Variants in SLC5A1 observed in about 807,000 individuals in gnomAD.
The protein encoded by SLC5A1 is sodium/glucose cotransporter 1.
A neutral mutation model predicts 73.5 loss-of-function variants in SLC5A1; 42 were observed. That is an observed-to-expected ratio of 0.57 (90% CI 0.45 to 0.74). SLC5A1 has a LOEUF of 0.74. Ranked by LOEUF, SLC5A1 falls within the 30% of genes least tolerant of loss-of-function variation. SLC5A1 has a pLI of 0.00. For synonymous variants in SLC5A1, 300 were observed against 317.4 expected (o/e 0.95, Z 0.58); for missense variants, 634 against 855.4 (o/e 0.74, Z 3.23).
rs2093966635 is a variant in SLC5A1, at chr22:32,063,305, G to GACTCCCA, written c.208-3629_208-3628insCTCCCAA. Among the ~76,000 whole-genome samples the GACTCCCA allele has an allele frequency of 2.0e-5, 3 of 152,134 alleles. No homozygotes were observed. The South Asian group carries it at 6.2e-4, about 32-fold the overall frequency. On this transcript the variant is annotated intron_variant, in intron 2 of 14. Transcript: ENST00000266088. ...GAGGGTGAAGTAATTATCCTCTTGG[G>GACTCCCA]AGGAGAAAGGAGGGAAGGGACACTG...
intron 10 of SLC5A1, among the ~76,000 whole-genome samples, chr22:32,091,182 A>G (rs1013138800): frequency 6.6e-6 from 1 of 152,056 alleles, no homozygotes; most frequent in Non-Finnish European, 1.5e-5. Flanking sequence ...TGGATGGCTT[A>G]CTTTCTTGAG....
chr22:32,106,971 G>C (rs892291766), intron 14 of SLC5A1, among the ~76,000 whole-genome samples: 1 of 152,184 alleles, frequency 6.6e-6, no homozygotes, highest in South Asian at 2.1e-4. Flanking sequence ...AGATCATTTG[G>C]TCTTATCATC....
At chr22:32,104,718 C>A in intron 13 of SLC5A1, 68 bp from the exon 14 acceptor site, 1 of 1,198,914 alleles carries the variant, frequency 8.3e-7, no homozygotes. Context: ...TATCTCTTTG[C>A]CCCCCCAACT....
intron 5 of SLC5A1, among the ~76,000 whole-genome samples, chr22:32,075,070 CTT>C (rs1045791303): frequency 1.9e-5 from 2 of 107,682 alleles, no homozygotes; most frequent in African/African-American, 3.4e-5. Context: ...CTATTTTTTA[CTT>C]TTTTTTTTTT....
chr22:32,105,791 A>T (rs2094044697), intron 14 of SLC5A1, among the ~76,000 whole-genome samples: 1 of 151,964 alleles, frequency 6.6e-6, no homozygotes, highest in Admixed American at 6.6e-5. Context: ...CATGAGTTCA[A>T]TTGTTTTGAT....
chr22:32,102,068 G>A lies in SLC5A1; in HGVS notation c.1496G>A (p.Arg499His), dbSNP rs927157864. The A allele has an allele frequency of 6.2e-6, 10 of 1,614,034 alleles. No homozygotes were observed. In the East Asian group the frequency reaches 8.9e-5, roughly 14 times the overall value. The change falls in exon 13 of 15, where the codon CGT (arginine) becomes CAT (histidine). Residue 499 changes from arginine (R) to histidine (H), a missense_variant. Arg to His is a conservative substitution (Grantham distance 29, BLOSUM62 0). Coordinates refer to ENST00000266088, the MANE Select transcript of SLC5A1 (RefSeq NM_000343.4). ...CTAGGACTTCTGATTGGGATTTCAC[G>A]TATGATTACTGAGTTTGCTTATGGA... is the stretch of plus-strand genomic sequence containing the variant. ...LILGLLIGIS[R>H]MITEFAYGTG...
chr22:32,095,455 GTAT>G (rs985959083), intron 11 of SLC5A1, among the ~76,000 whole-genome samples: 35 of 152,286 alleles, frequency 2.3e-4, no homozygotes, highest in African/African-American at 7.9e-4. Flanking sequence ...AAGTCCTCCA[GTAT>G]TATTGTGTTG....
chr22:32,066,991 C>T lies in SLC5A1; in HGVS notation c.264C>T (p.Ala88=), dbSNP rs1387609815. 1.1e-5 allele frequency: 17 copies of T among 1,613,796 alleles called. No individual in the cohort carries two copies. Among genetic ancestry groups the T allele is most frequent in the East Asian group, 2.2e-5 (1 of 44,862 alleles). The stretch of plus-strand genomic sequence containing the variant: ...GAAGTGGCCACTTTGTGGGGCTGGC[C>T]GGGACTGGGGCAGCTTCAGGCATCG... ...NIGSGHFVGL[A]GTGAASGIAI... Residue 88 remains alanine (A), a synonymous_variant, in exon 3 of 15, where the codon GCC becomes GCT. Transcript: ENST00000266088.
intron 5 of SLC5A1, among the ~76,000 whole-genome samples, chr22:32,077,669 A>G (rs1441870537): frequency 6.6e-6 from 1 of 152,206 alleles, no homozygotes; most frequent in African/African-American, 2.4e-5. Context: ...ATAGATCTTA[A>G]CAATATATTA....
chr22:32,086,178 C>A, intron 9 of SLC5A1, 42 bp from the exon 10 acceptor site: 2 of 1,222,008 alleles, frequency 1.6e-6, no homozygotes, highest in Admixed American at 1.7e-5. Flanking sequence ...GAAATATTTC[C>A]CCAATGTCTG....
rs376496071 is a variant in SLC5A1, at chr22:32,049,947, T to C, written c.140T>C (p.Met47Thr). The C allele has an allele frequency of 6.2e-7, 1 of 1,613,994 alleles. No homozygotes were observed. The highest frequency in any genetic ancestry group is 8.5e-7 in the Non-Finnish European group (1 of 1,179,820). ...TTTTGACCCTTTCCTCCTCAGGCTA[T>C]GTTTTCCACCAATCGTGGGACTGTT... Reference protein sequence around the residue: ...VVVMAVGLWAMFSTNRGTVGG... With the variant: ...VVVMAVGLWATFSTNRGTVGG... The change falls in exon 2 of 15, where the codon ATG becomes ACG. Residue 47 changes from methionine to threonine, a missense_variant. Transcript: ENST00000266088.
intron 2 of SLC5A1, among the ~76,000 whole-genome samples, chr22:32,058,951 T>A (rs117333835): frequency 0.014 from 2,118 of 152,288 alleles, 27 homozygotes; most frequent in Non-Finnish European, 0.021. Context: ...TGGGAATAAA[T>A]GCAGCTCTCA....
intron 10 of SLC5A1, among the ~76,000 whole-genome samples, chr22:32,090,705 G>A (rs1358795949): frequency 8.2e-6 from 1 of 121,886 alleles, no homozygotes; most frequent in Non-Finnish European, 1.8e-5. Context: ...CCTAGGAATG[G>A]AATTTCATTT....
chr22:32,050,197 A>G (rs2093943446), intron 2 of SLC5A1, among the ~76,000 whole-genome samples, 183 bp downstream of exon 2: 1 of 152,204 alleles, frequency 6.6e-6, no homozygotes, highest in Admixed American at 6.5e-5. Flanking sequence ...TAGTAAGGGA[A>G]TAGCCTTTAA....
intron 5 of SLC5A1, among the ~76,000 whole-genome samples, chr22:32,072,453 A>T (rs1208517908): frequency 1.3e-5 from 2 of 152,174 alleles, no homozygotes; most frequent in East Asian, 3.8e-4. Flanking sequence ...TTCTTTATTC[A>T]GTCCACCACT....
chr22:32,094,816 A>G (rs1450356794), intron 11 of SLC5A1, among the ~76,000 whole-genome samples: 4 of 146,186 alleles, frequency 2.7e-5, no homozygotes, highest in Non-Finnish European at 6.1e-5. Flanking sequence ...TATCTTTTGT[A>G]TTTTTTTTTT....
chr22:32,079,085 C>T lies in SLC5A1; in HGVS notation c.478-2781C>T, dbSNP rs775888410. ...AAAATAACGCATGTGCCTAAATGTC[C>T]TTGGTAAACTGTAAAACTCTCTGAA... On this transcript the variant is annotated intron_variant, in intron 5 of 14. Coordinates refer to ENST00000266088, the MANE Select transcript of SLC5A1 (RefSeq NM_000343.4). Among the ~76,000 whole-genome samples, 11 of 151,558 alleles carry T rather than the reference C, an allele frequency of 7.3e-5. No homozygotes were observed. The Middle Eastern group carries it at 0.01, about 143-fold the overall frequency.
Position 32,104,845 on chromosome 22 carries a change from G to A in SLC5A1, c.1725G>A (p.Ala575=), listed in dbSNP as rs368853644. Residue 575 remains alanine, a synonymous_variant, in exon 14 of 15, where the codon GCG becomes GCA. Transcript: ENST00000266088. ...NSKEERIDLD[A]EEENIQEGPK... The stretch of plus-strand genomic sequence containing the variant: ...AAGAGGAGCGTATTGACCTGGATGC[G>A]GAAGAGGAGAACATCCAAGAAGGCC... 79 of 1,613,952 alleles carry A rather than the reference G, an allele frequency of 4.9e-5. No homozygotes were observed. Among genetic ancestry groups the A allele is most frequent in the Admixed American group, 1.7e-4 (10 of 59,976 alleles).
intron 1 of SLC5A1, among the ~76,000 whole-genome samples, chr22:32,049,199 ATCT>A: frequency 7.8e-6 from 1 of 127,746 alleles, no homozygotes; most frequent in East Asian, 2.5e-4. Context: ...CTATATCTAT[ATCT>A]ATATCTATAT....
Sources: gnomAD v4.1 joint callset for allele counts (sites outside exome capture counted in the v4.1 genomes callset) on GRCh38, gnomAD v4.1.1 for gene constraint, MANE v1.5 for transcripts, NCBI Gene and HGNC (gene_info 2026-07-23, HGNC 2026-07-21) for gene names.